The following CGAS variants were observed in gnomAD, a reference collection of about 807,000 sequenced individuals.
CGAS encodes cyclic GMP-AMP synthase.
A neutral mutation model predicts 34.0 loss-of-function variants in CGAS; 31 were observed. The ratio of observed to expected loss-of-function variants is 0.91; its 90% CI spans 0.69 to 1.23. The LOEUF is 1.23. Among genes scored for constraint, CGAS ranks in the 50% most tolerant of loss-of-function variants. CGAS has a pLI of 0.00. For synonymous variants in CGAS, 266 were observed against 260.0 expected, an observed-to-expected ratio of 1.02 and a Z score of -0.22; for missense variants, 597 against 657.6, an observed-to-expected ratio of 0.91 and a Z score of 1.01.
intron 2 of CGAS, among the ~76,000 whole-genome samples, chr6:73,444,224 G>A (rs1382141717): frequency 4.0e-5 from 6 of 151,574 alleles, no homozygotes; most frequent in East Asian, 1.9e-4. Flanking sequence ...TCCTGACCTC[G>A]TGATATACCT....
intron 1 of CGAS, 58 bp from the exon 2 acceptor site, chr6:73,445,805 T>G: frequency 7.6e-6 from 10 of 1,315,754 alleles, no homozygotes; most frequent in Non-Finnish European, 1.0e-5. Flanking sequence ...TCCAAGTGAC[T>G]GGAACTTTTT....
Position 73,428,817 on chromosome 6 carries a change from T to C in CGAS, c.1115-6A>G. 3.1e-6 allele frequency: 5 copies of C among 1,605,836 alleles called. No individual in the cohort carries two copies. The highest frequency in any genetic ancestry group is 4.2e-6 in the Non-Finnish European group (5 of 1,177,424). The stretch of plus-strand genomic sequence containing the variant: ...GGATAGCCGCCATGTTTCTTCTTAA[T>C]TTCAAAAAGAAAAACAAAAAAGCAC... On this transcript the variant is annotated splice_polypyrimidine_tract_variant and splice_region_variant and intron_variant, in intron 3 of 4. Transcript: ENST00000370315.
intron 3 of CGAS, among the ~76,000 whole-genome samples, chr6:73,433,560 C>T (rs1456168314): frequency 5.3e-5 from 8 of 151,378 alleles, no homozygotes; most frequent in Non-Finnish European, 1.2e-4. Flanking sequence ...GTGATCTTGG[C>T]TCACTGCAAC....
chr6:73,429,066 T>C (rs1034754176), intron 3 of CGAS, among the ~76,000 whole-genome samples: 2 of 151,836 alleles, frequency 1.3e-5, no homozygotes, highest in African/African-American at 4.8e-5. Flanking sequence ...GGCACATGCC[T>C]GTAATCCCAG....
chr6:73,450,603 T>C (rs1416614829), intron 1 of CGAS, among the ~76,000 whole-genome samples: 1 of 152,096 alleles, frequency 6.6e-6, no homozygotes, highest in Non-Finnish European at 1.5e-5. Context: ...ACGGAATGTG[T>C]ATCTAGAAAG....
At chr6:73,432,882 G>C (rs899758159) in intron 3 of CGAS, among the ~76,000 whole-genome samples, 2 of 152,118 alleles carry the variant, frequency 1.3e-5, no homozygotes, top group African/African-American at 4.8e-5. Flanking sequence ...TCAGGAGTTT[G>C]AGAGCAGCCT....
Position 73,426,261 on chromosome 6 carries a change from C to G in CGAS, c.1218-683G>C, listed in dbSNP as rs529624814. ...TCATGCCACTGCACTCCAGCCTGGG[C>G]AACAAGTGAGACTCCATCTCAAAAT... On this transcript the variant is annotated intron_variant, in intron 4 of 4. Transcript: ENST00000370315. Among the ~76,000 whole-genome samples the G allele has an allele frequency of 2.4e-4, 36 of 150,436 alleles. 1 individual carries two copies. Among genetic ancestry groups the G allele is most frequent in the African/African-American group, 8.1e-4 (33 of 40,864 alleles).
chr6:73,428,462 A>G (rs545314739), intron 4 of CGAS, among the ~76,000 whole-genome samples: 18 of 152,194 alleles, frequency 1.2e-4, no homozygotes, highest in African/African-American at 3.6e-4. Flanking sequence ...CATCTATACA[A>G]AAACACATTC....
chr6:73,446,430 A>G (rs1770470960), intron 1 of CGAS, among the ~76,000 whole-genome samples: 1 of 42,292 alleles, frequency 2.4e-5, no homozygotes, highest in Non-Finnish European at 4.5e-5. Context: ...TTATTTATTG[A>G]AAAAAAAAAA....
intron 1 of CGAS, among the ~76,000 whole-genome samples, chr6:73,450,097 G>T (rs1052577534): frequency 1.3e-5 from 2 of 149,840 alleles, no homozygotes; most frequent in African/African-American, 4.9e-5. Context: ...CAGAGAGATA[G>T]AGAGAAGAGA....
chr6:73,443,568 A>C lies in CGAS; in HGVS notation c.877+1960T>G, dbSNP rs73450652. Among the ~76,000 whole-genome samples, 337 of 152,114 alleles carry C rather than the reference A, an allele frequency of 2.2e-3. 1 individual carries two copies. The highest frequency in any genetic ancestry group is 7.6e-3 in the African/African-American group (315 of 41,524). ...CAAACTCTAATGGAATTCTCTTCTT[A>C]CCACTCTACTTAACATTGCAACTTC... On this transcript the variant is annotated intron_variant, in intron 2 of 4. Transcript: ENST00000370315.
intron 3 of CGAS, among the ~76,000 whole-genome samples, chr6:73,432,467 TA>T (rs1770209674): frequency 6.6e-6 from 1 of 151,760 alleles, no homozygotes; most frequent in South Asian, 2.1e-4. Flanking sequence ...AGTCATTGAT[TA>T]TTTTTTTAAG....
intron 4 of CGAS, among the ~76,000 whole-genome samples, chr6:73,427,173 T>G (rs1235012699): frequency 6.6e-6 from 1 of 151,924 alleles, no homozygotes; most frequent in Admixed American, 6.6e-5. Context: ...TCTTAATGCT[T>G]ACTTCAAAGC....
At chr6:73,433,679 G>A (rs1770231880) in intron 3 of CGAS, among the ~76,000 whole-genome samples, 2 of 151,734 alleles carry the variant, frequency 1.3e-5, no homozygotes, top group Admixed American at 1.3e-4. Flanking sequence ...AGTAGAAATG[G>A]GGTCTTACCA....
intron 3 of CGAS, among the ~76,000 whole-genome samples, chr6:73,429,638 A>G (rs531940311): frequency 2.1e-4 from 32 of 150,684 alleles, no homozygotes; most frequent in African/African-American, 2.9e-4. Flanking sequence ...CATCCTGGCT[A>G]ACACAGTGAA....
chr6:73,425,612 C>A, intron 4 of CGAS, 34 bp from the exon 5 acceptor site: 1 of 1,392,972 alleles, frequency 7.2e-7, no homozygotes, highest in Non-Finnish European at 9.8e-7. Context: ...CTTATTTTTA[C>A]TTATTTACAT....
At chr6:73,431,038 G>A (rs1024759658) in intron 3 of CGAS, among the ~76,000 whole-genome samples, 5 of 151,936 alleles carry the variant, frequency 3.3e-5, no homozygotes, top group Non-Finnish European at 1.5e-5. Flanking sequence ...GGAGGCAGAG[G>A]TTGCAGTGAG....
chr6:73,431,789 C>T (rs146091355), intron 3 of CGAS, among the ~76,000 whole-genome samples: 31 of 152,216 alleles, frequency 2.0e-4, no homozygotes, highest in African/African-American at 7.0e-4. Context: ...ACAAGACAAG[C>T]GGAAATTTTA....
At chr6:73,425,619 A>G in intron 4 of CGAS, 41 bp from the exon 5 acceptor site, 1 of 1,346,642 alleles carries the variant, frequency 7.4e-7, no homozygotes, top group Non-Finnish European at 1.0e-6. Flanking sequence ...TTACTTATTT[A>G]CATTCAACAA....
Sources: allele counts gnomAD v4.1 joint callset (sites outside exome capture counted in the v4.1 genomes callset), GRCh38; gene constraint gnomAD v4.1.1; transcripts MANE v1.5; gene names NCBI Gene and HGNC (gene_info 2026-07-23, HGNC 2026-07-21).